The following SRC variants were observed in gnomAD, a reference collection of about 807,000 sequenced individuals.
SRC encodes the protein proto-oncogene tyrosine-protein kinase Src.
SRC carries 13 observed loss-of-function variants against 62.9 expected under a neutral mutation model. The observed-to-expected ratio is 0.21, with a 90% CI of 0.13 to 0.33. The LOEUF (loss-of-function observed/expected upper bound fraction) is 0.33, where lower values mean the gene tolerates loss of function less well. Ranked by LOEUF, SRC falls within the 10% of genes least tolerant of loss-of-function variation. The pLI, the probability that SRC is intolerant of heterozygous loss-of-function variation, is 1.00. For synonymous variants in SRC, 302 were observed against 317.5 expected, an observed-to-expected ratio of 0.95 and a Z score of 0.52; for missense variants, 457 against 737.3, an observed-to-expected ratio of 0.62 and a Z score of 4.40.
At chr20:37,390,350 C>G (rs929841268) in intron 5 of SRC, among the ~76,000 whole-genome samples, 1 of 143,468 alleles carries the variant, frequency 7.0e-6, no homozygotes, top group African/African-American at 2.6e-5. Context: ...AAATCCAGAT[C>G]TAACAGCTGA....
At position 37,384,810 on chromosome 20, in the gene SRC, G is replaced by T. The variant is rs2070425840; in HGVS notation, c.250+407G>T. 6.6e-6 allele frequency among the ~76,000 whole-genome samples: 1 copy of T among 152,198 alleles called. No homozygotes were observed. The highest frequency in any genetic ancestry group is 1.5e-5 in the Non-Finnish European group (1 of 68,022). On this transcript the variant is annotated intron_variant, in intron 4 of 13. Transcript: ENST00000373578. This position sits in a 1 kb window ranked among gnomAD's most constrained non-coding sequence, Gnocchi z 6.7. ...GCAGCTGGGTCGCTCGGGGAACGGG[G>T]CACCGGATGGCCCCGGTTGGGCCCG...
chr20:37,394,539 G>T (rs2070608292), intron 7 of SRC, among the ~76,000 whole-genome samples: 1 of 152,126 alleles, frequency 6.6e-6, no homozygotes. Flanking sequence ...GTTGTCTGGA[G>T]GTCTGAGTGT....
At chr20:37,400,912 C>G (rs947546147) in intron 10 of SRC, among the ~76,000 whole-genome samples, 2 of 152,138 alleles carry the variant, frequency 1.3e-5, no homozygotes, top group African/African-American at 4.8e-5. Flanking sequence ...TGCTTTCTGT[C>G]ATTATAAATT....
chr20:37,401,296 C>T (rs918364246), intron 10 of SRC, among the ~76,000 whole-genome samples: 1 of 152,136 alleles, frequency 6.6e-6, no homozygotes, highest in Admixed American at 6.5e-5. Flanking sequence ...AGCCACTGCT[C>T]CCGGCCTGAG....
At chr20:37,367,811 T>C (rs1400801410) in intron 2 of SRC, among the ~76,000 whole-genome samples, 1 of 151,750 alleles carries the variant, frequency 6.6e-6, no homozygotes, top group East Asian at 1.9e-4. Context: ...CACGCCTGGC[T>C]AATTTTTAAA....
intron 5 of SRC, among the ~76,000 whole-genome samples, chr20:37,387,869 A>G (rs886536789): frequency 1.3e-5 from 2 of 152,088 alleles, no homozygotes; most frequent in Non-Finnish European, 2.9e-5. Flanking sequence ...TATTTTATTT[A>G]CGCATCACCA....
intron 2 of SRC, among the ~76,000 whole-genome samples, chr20:37,374,761 G>C (rs1348352574): frequency 6.6e-6 from 1 of 151,524 alleles, no homozygotes; most frequent in Non-Finnish European, 1.5e-5. Flanking sequence ...TTTTAATACA[G>C]ATGGGGTTTC....
intron 7 of SRC, among the ~76,000 whole-genome samples, chr20:37,395,232 T>G (rs2070623988): frequency 6.6e-6 from 1 of 152,216 alleles, no homozygotes; most frequent in African/African-American, 2.4e-5. Context: ...GCTGGCCACT[T>G]CCCTCTCTGG....
Position 37,405,270 on chromosome 20 carries a change from C to T in SRC, c.*1891C>T. The T allele has an allele frequency of 5.7e-6, 1 of 175,248 alleles. No homozygotes were observed. The highest frequency in any genetic ancestry group is 1.2e-5 in the Non-Finnish European group (1 of 85,708). 10.9% of individuals were successfully genotyped at this position (175,248 alleles called of 1,614,324 possible). A position where few individuals can be genotyped will look rare whatever the true frequency, so the allele number is the denominator to read the frequency against. ...ACAGTGTTTTGTAGATTTCAGATGA[C>T]TATGCAGAGGCCTGGGGGACCCCTG... On this transcript the variant is annotated 3_prime_UTR_variant, in exon 14 of 14. Coordinates refer to ENST00000373578, the MANE Select transcript of SRC (RefSeq NM_198291.3).
chr20:37,385,895 C>G (rs2070447947), intron 4 of SRC, among the ~76,000 whole-genome samples, 180 bp from the exon 5 acceptor site: 1 of 152,276 alleles, frequency 6.6e-6, no homozygotes, highest in African/African-American at 2.4e-5. Flanking sequence ...CAGGGATGCG[C>G]AGATACACGG....
chr20:37,369,305 G>C (rs867266785), intron 2 of SRC, among the ~76,000 whole-genome samples: 2 of 152,160 alleles, frequency 1.3e-5, no homozygotes, highest in African/African-American at 4.8e-5. Flanking sequence ...CCATGAACAC[G>C]GGATGTCTTT....
Position 37,396,645 on chromosome 20 carries a change from G to A in SRC, c.703+334G>A. On this transcript the variant is annotated intron_variant, in intron 8 of 13. Coordinates refer to ENST00000373578, the MANE Select transcript of SRC (RefSeq NM_198291.3). The surrounding 1 kb of genome is among the most constrained non-coding windows in gnomAD (Gnocchi z 6.1). ...GCTGGAAGGGAGGGGACAGAGGCTG[G>A]TGTCATTTGTCTCTGTAGCCCTAGG... is the stretch of plus-strand genomic sequence containing the variant. 2.8e-6 allele frequency: 1 copy of A among 361,070 alleles called. No individual in the cohort carries two copies. Among genetic ancestry groups the A allele is most frequent in the Non-Finnish European group, 5.2e-6 (1 of 192,424 alleles). The allele number at this position is 361,070 out of a possible 1,614,324, so 22.4% of individuals were successfully genotyped here.
intron 5 of SRC, among the ~76,000 whole-genome samples, chr20:37,388,376 C>A (rs924268579): frequency 6.6e-6 from 1 of 152,148 alleles, no homozygotes; most frequent in Non-Finnish European, 1.5e-5. Context: ...CCTGGGGTAG[C>A]TGATTGGGAG....
chr20:37,385,703 G>A (rs980564164), intron 4 of SRC, among the ~76,000 whole-genome samples: 1 of 152,218 alleles, frequency 6.6e-6, no homozygotes, highest in African/African-American at 2.4e-5. Context: ...TCAGCCTATA[G>A]CTCTTTCTTG....
At chr20:37,366,183 C>T (rs777645206) in intron 2 of SRC, among the ~76,000 whole-genome samples, 2 of 152,080 alleles carry the variant, frequency 1.3e-5, no homozygotes, top group African/African-American at 2.4e-5. Context: ...CTTGCAGGGC[C>T]GGTGGGTGTG....
intron 2 of SRC, among the ~76,000 whole-genome samples, chr20:37,373,127 CATATATACACAT>C (rs2070197404): frequency 6.9e-6 from 1 of 145,316 alleles, no homozygotes; most frequent in African/African-American, 2.8e-5. Flanking sequence ...CACATATGTA[CATATATACACAT>C]ATGTACATAT....
At position 37,397,180 on chromosome 20, in the gene SRC, C is replaced by T. The variant is rs2070666403; in HGVS notation, c.704-519C>T. Among the ~76,000 whole-genome samples the T allele has an allele frequency of 6.6e-6, 1 of 152,172 alleles. No homozygotes were observed. Among genetic ancestry groups the T allele is most frequent in the African/African-American group, 2.4e-5 (1 of 41,434 alleles). The stretch of plus-strand genomic sequence containing the variant: ...TGCGCCCCTTTGTCCTCCGCTTCTC[C>T]AGCCCTGCAGCTGTTCTTTCCTCAG... On this transcript the variant is annotated intron_variant, in intron 8 of 13. Transcript: ENST00000373578. The surrounding 1 kb of genome is among the most constrained non-coding windows in gnomAD (Gnocchi z 4.1).
In SRC at chr20:37,386,581, TCTTGGCTGCTC is replaced by T. The variant is rs1055060005; in HGVS notation, c.350+410_350+420del. 385 of 687,862 alleles carry T rather than the reference TCTTGGCTGCTC, an allele frequency of 5.6e-4. 3 individuals carry two copies. Among genetic ancestry groups the T allele is most frequent in the Middle Eastern group, 9.8e-4 (3 of 3,076 alleles). The allele number at this position is 687,862 out of a possible 1,614,324, so 42.6% of individuals were successfully genotyped here. On this transcript the variant is annotated intron_variant, in intron 5 of 13. Transcript: ENST00000373578. ...ACTCCCTGCCTGTGATCTCTGGCTC[TCTTGGCTGCTC>T]CTCACCTCCCAGCTTCTCCCCTCCC...
chr20:37,346,067 C>A, upstream of SRC: 1 of 154,766 alleles, frequency 6.5e-6, no homozygotes, highest in South Asian at 1.7e-4. Flanking sequence ...CTCTTCCCCT[C>A]CCCGGGCCGC....
Sources: gnomAD v4.1 joint callset for allele counts (sites outside exome capture counted in the v4.1 genomes callset) on GRCh38, gnomAD v4.1.1 for gene constraint, Gnocchi (gnomAD v3.1) non-coding constraint, MANE v1.5 for transcripts, NCBI Gene and HGNC (gene_info 2026-07-23, HGNC 2026-07-21) for gene names.